Variants in WWOX observed in about 807,000 individuals in gnomAD.
WWOX encodes the protein WW domain containing oxidoreductase.
Under a neutral mutation model 46.2 loss-of-function variants are expected in WWOX, and 69 were observed. The observed-to-expected ratio is 1.49, with a 90% CI of 1.23 to 1.82. WWOX has a LOEUF of 1.82. Among genes scored for constraint, WWOX ranks in the 40% most tolerant of loss-of-function variants. The pLI, the probability that WWOX is intolerant of heterozygous loss-of-function variation, is 0.00. For missense variants in WWOX, 919 were observed against 542.6 expected (o/e 1.69, Z -6.89); for synonymous variants, 359 against 202.6 (o/e 1.77, Z -6.56).
At chr16:78,383,313 TG>T (rs1333083916) in intron 5 of WWOX, among the ~76,000 whole-genome samples, 2 of 152,114 alleles carry the variant, frequency 1.3e-5, no homozygotes, top group African/African-American at 4.8e-5. Flanking sequence ...GATGTATATA[TG>T]GGGGAAGCTG....
chr16:79,204,578 G>C (rs72818822), intron 8 of WWOX: 3 of 152,250 alleles, frequency 2.0e-5, no homozygotes. Flanking sequence ...TCTGGAACAC[G>C]AAGGAGGTAT....
intron 8 of WWOX, among the ~76,000 whole-genome samples, chr16:78,643,916 AAAAC>A (rs762611735): frequency 1.4e-4 from 21 of 151,986 alleles, no homozygotes; most frequent in Middle Eastern, 3.4e-3. Context: ...ATACTTTATT[AAAAC>A]AAACAAACAA....
chr16:79,042,128 C>T (rs779052680), intron 8 of WWOX, among the ~76,000 whole-genome samples: 1 of 152,168 alleles, frequency 6.6e-6, no homozygotes, highest in African/African-American at 2.4e-5. Flanking sequence ...CACCCACGTT[C>T]CCCCGCCTGT....
chr16:78,870,708 T>C (rs1175130127), intron 8 of WWOX, among the ~76,000 whole-genome samples: 1 of 152,134 alleles, frequency 6.6e-6, no homozygotes, highest in Non-Finnish European at 1.5e-5. Context: ...TTCAAGCAAT[T>C]CTCCTGCCTC....
At chr16:78,131,863 C>T (rs936095773) in intron 4 of WWOX, among the ~76,000 whole-genome samples, 6 of 150,518 alleles carry the variant, frequency 4.0e-5, no homozygotes, top group African/African-American at 1.2e-4. Flanking sequence ...GGATTACAGG[C>T]GTGAGCCACC....
intron 5 of WWOX, among the ~76,000 whole-genome samples, chr16:78,320,339 C>T (rs947682093): frequency 1.3e-5 from 2 of 152,274 alleles, no homozygotes; most frequent in African/African-American, 2.4e-5. Flanking sequence ...GGTTGTCATA[C>T]TAAATTGGTT....
chr16:78,590,007 T>C (rs1390600748), intron 8 of WWOX, among the ~76,000 whole-genome samples: 1 of 152,192 alleles, frequency 6.6e-6, no homozygotes, highest in Non-Finnish European at 1.5e-5. Context: ...ACAAATTTTG[T>C]GTTGCTTCTT....
At chr16:78,870,103 G>A (rs2044094417) in intron 8 of WWOX, among the ~76,000 whole-genome samples, 1 of 152,120 alleles carries the variant, frequency 6.6e-6, no homozygotes, top group Non-Finnish European at 1.5e-5. Flanking sequence ...GTAAGGCCAG[G>A]CCTAAGTGCT....
chr16:78,669,617 A>T (rs1253176359), intron 8 of WWOX, among the ~76,000 whole-genome samples: 1 of 152,210 alleles, frequency 6.6e-6, no homozygotes, highest in East Asian at 1.9e-4. Context: ...CAGGAACTAA[A>T]TGAGTCAGTT....
chr16:78,575,236 G>A (rs981141317), intron 8 of WWOX, among the ~76,000 whole-genome samples: 2 of 147,390 alleles, frequency 1.4e-5, no homozygotes, highest in African/African-American at 5.0e-5. Context: ...CTGGAGGTGA[G>A]GGCCAGACAA....
chr16:78,174,354 C>G (rs12931073), intron 5 of WWOX, among the ~76,000 whole-genome samples: 16,387 of 152,112 alleles, frequency 0.11, 955 homozygotes, highest in African/African-American at 0.13. Flanking sequence ...ATGAGAATAG[C>G]ATGGGAAAGA....
At position 79,166,222 on chromosome 16, in the gene WWOX, A is replaced by G. The variant is rs183956322; in HGVS notation, c.1057-45386A>G. Reference sequence around the variant, plus strand: ...ATTGACTTCAATCACTTCTGGAGGCAGAGCACTGAGTTGCCTCCCCACCTC... The same window carrying G: ...ATTGACTTCAATCACTTCTGGAGGCGGAGCACTGAGTTGCCTCCCCACCTC... On this transcript the variant is annotated intron_variant, in intron 8 of 8. Coordinates refer to ENST00000566780, the MANE Select transcript of WWOX (RefSeq NM_016373.4). Among the ~76,000 whole-genome samples, 5 of 152,340 alleles carry G rather than the reference A, an allele frequency of 3.3e-5. No homozygotes were observed. In the East Asian group the frequency reaches 7.7e-4, roughly 24 times the overall value.
chr16:78,318,815 G>T lies in WWOX; in HGVS notation c.517-68045G>T, dbSNP rs148761834. On this transcript the variant is annotated intron_variant, in intron 5 of 8. Coordinates refer to ENST00000566780, the MANE Select transcript of WWOX (RefSeq NM_016373.4). ...GTGATTTTTACTCACTTTTCTACAA[G>T]CATGACTCCTTATATAACTACAGTA... Among the ~76,000 whole-genome samples the T allele has an allele frequency of 7.6e-3, 1,154 of 152,230 alleles. 16 individuals are homozygous for T. The highest frequency in any genetic ancestry group is 0.027 in the African/African-American group (1,104 of 41,528).
intron 8 of WWOX, among the ~76,000 whole-genome samples, chr16:78,680,674 C>A (rs1368443290): frequency 1.3e-5 from 2 of 152,226 alleles, no homozygotes; most frequent in Non-Finnish European, 2.9e-5. Flanking sequence ...AAGTGCTAAA[C>A]ATCCGGACAC....
At chr16:78,533,936 T>C (rs2043694088) in intron 8 of WWOX, among the ~76,000 whole-genome samples, 1 of 152,224 alleles carries the variant, frequency 6.6e-6, no homozygotes. Flanking sequence ...ACCAGTACAG[T>C]GCCAGATACA....
intron 8 of WWOX, among the ~76,000 whole-genome samples, chr16:78,928,927 A>G (rs1447892543): frequency 6.6e-6 from 1 of 152,210 alleles, no homozygotes; most frequent in Non-Finnish European, 1.5e-5. Context: ...CAACAACCAG[A>G]AGTGCCCCTT....
intron 8 of WWOX, among the ~76,000 whole-genome samples, chr16:78,782,617 C>T (rs2050357893): frequency 6.6e-6 from 1 of 151,764 alleles, no homozygotes; most frequent in African/African-American, 2.4e-5. Context: ...CAAATGCAGG[C>T]TCCATTAACC....
chr16:78,679,594 A>T (rs1343118391), intron 8 of WWOX, among the ~76,000 whole-genome samples: 1 of 152,164 alleles, frequency 6.6e-6, no homozygotes, highest in African/African-American at 2.4e-5. Flanking sequence ...ATACAGACAC[A>T]GGCTTTTCTC....
At chr16:79,168,411 A>G (rs1274896754) in intron 8 of WWOX, among the ~76,000 whole-genome samples, 2 of 152,194 alleles carry the variant, frequency 1.3e-5, no homozygotes, top group African/African-American at 4.8e-5. Context: ...TCATTTCTGC[A>G]GAAAGAGTTA....
Sources: gnomAD v4.1 joint callset for allele counts (sites outside exome capture counted in the v4.1 genomes callset) on GRCh38, gnomAD v4.1.1 for gene constraint, MANE v1.5 for transcripts, NCBI Gene and HGNC (gene_info 2026-07-23, HGNC 2026-07-21) for gene names.